Variants in ROBO2 observed in about 807,000 individuals in gnomAD.
The protein encoded by ROBO2 is roundabout guidance receptor 2.
A neutral mutation model predicts 160.8 loss-of-function variants in ROBO2; 53 were observed. The observed-to-expected ratio is 0.33, with a 90% CI of 0.26 to 0.41. The LOEUF is 0.41. ROBO2 is among the 10% of genes least tolerant of loss of function. The probability of loss-of-function intolerance (pLI) is 1.00; values close to 1 mark genes in which losing one functional copy is unlikely to be tolerated. For missense variants in ROBO2, 1,577 were observed against 1,722.4 expected (o/e 0.92, Z 1.49); for synonymous variants, 664 against 611.7 (o/e 1.09, Z -1.26).
chr3:76,383,821 A>G (rs770607758), intron 2 of ROBO2, among the ~76,000 whole-genome samples: 12 of 152,228 alleles, frequency 7.9e-5, no homozygotes, highest in Non-Finnish European at 1.5e-4. Flanking sequence ...GTGACCTGAA[A>G]AGCAGGATAC....
chr3:77,585,336 C>G (rs2094018773), intron 16 of ROBO2, among the ~76,000 whole-genome samples: 1 of 151,128 alleles, frequency 6.6e-6, no homozygotes, highest in Admixed American at 6.6e-5. Context: ...CAGTTATGCA[C>G]TGAACAATTG....
At chr3:76,799,146 G>A (rs976666445) in intron 2 of ROBO2, among the ~76,000 whole-genome samples, 8 of 151,574 alleles carry the variant, frequency 5.3e-5, no homozygotes, top group Admixed American at 1.3e-4. Flanking sequence ...CCCAGGAGAC[G>A]GAGGCTGCGG....
rs2094937778 is a variant in ROBO2, at chr3:77,623,284, T to C, written c.3760+852T>C. Among the ~76,000 whole-genome samples the C allele has an allele frequency of 2.6e-5, 4 of 152,214 alleles. No individual in the cohort carries two copies. The South Asian group carries it at 6.2e-4, about 24-fold the overall frequency. ...CTACTACAAACTGAAGTCTGGTCTC[T>C]GCATTTCACTGGGTCTTCTCAGAAG... On this transcript the variant is annotated intron_variant, in intron 23 of 25. Transcript: ENST00000461745.
intron 2 of ROBO2, among the ~76,000 whole-genome samples, chr3:75,983,985 T>A (rs2065346068): frequency 1.3e-5 from 2 of 151,526 alleles, no homozygotes; most frequent in South Asian, 4.1e-4. Context: ...ATGTGCTCTT[T>A]TAGAAATAAT....
chr3:77,488,566 A>G (rs1410278393), intron 4 of ROBO2, among the ~76,000 whole-genome samples: 1 of 152,144 alleles, frequency 6.6e-6, no homozygotes, highest in African/African-American at 2.4e-5. Context: ...AATTGTCCAA[A>G]CTCTATGGAG....
intron 2 of ROBO2, among the ~76,000 whole-genome samples, chr3:77,414,634 C>G (rs1478383550): frequency 6.6e-6 from 1 of 152,028 alleles, no homozygotes; most frequent in Non-Finnish European, 1.5e-5. Flanking sequence ...AATGTAGGCA[C>G]ATAGACAGAT....
Position 76,512,110 on chromosome 3 carries a change from A to G in ROBO2, c.109+574508A>G, listed in dbSNP as rs906856821. Among the ~76,000 whole-genome samples, 11 of 152,114 alleles carry G rather than the reference A, an allele frequency of 7.2e-5. No homozygotes were observed. The South Asian group carries it at 2.1e-3, about 29-fold the overall frequency. The stretch of plus-strand genomic sequence containing the variant: ...AATCAAAGAGAGACTTCTAAAACAA[A>G]CAAAAAAACATTGTTAATGAGGCAG... On this transcript the variant is annotated intron_variant, in intron 2 of 26. Transcript: ENST00000487694.
At chr3:76,502,696 C>G (rs1249995681) in intron 2 of ROBO2, among the ~76,000 whole-genome samples, 1 of 151,944 alleles carries the variant, frequency 6.6e-6, no homozygotes, top group Non-Finnish European at 1.5e-5. Flanking sequence ...ATATCCATCC[C>G]CTTAAGTATT....
intron 2 of ROBO2, among the ~76,000 whole-genome samples, chr3:76,589,673 A>T (rs930745005): frequency 1.6e-4 from 25 of 152,186 alleles, no homozygotes; most frequent in African/African-American, 6.0e-4. Flanking sequence ...AATGTTACCT[A>T]ATTTTTGAGC....
intron 2 of ROBO2, among the ~76,000 whole-genome samples, chr3:76,440,384 A>C (rs561487355): frequency 3.5e-4 from 53 of 152,054 alleles, no homozygotes; most frequent in Admixed American, 1.2e-3. Flanking sequence ...ATATCTCCTA[A>C]TGCTATCCCT....
In ROBO2 at chr3:77,296,622, T is replaced by A. The variant is rs546740864; in HGVS notation, c.389-180792T>A. Among the ~76,000 whole-genome samples, 13 of 152,242 alleles carry A rather than the reference T, an allele frequency of 8.5e-5. No individual in the cohort carries two copies. In the South Asian group the frequency reaches 2.7e-3, roughly 32 times the overall value. On this transcript the variant is annotated intron_variant, in intron 2 of 25. Transcript: ENST00000461745. ...TCCCTGGACATTGAGACCTTTAGAG[T>A]ATCCCCAGGTGATTGTGATGCATAG...
intron 13 of ROBO2, among the ~76,000 whole-genome samples, chr3:77,570,403 C>T (rs1314800056): frequency 6.6e-6 from 1 of 151,946 alleles, no homozygotes; most frequent in Non-Finnish European, 1.5e-5. Flanking sequence ...CTATCCCCGT[C>T]ATGGGCTGTA....
chr3:76,137,439 A>G (rs940773135), intron 2 of ROBO2, among the ~76,000 whole-genome samples: 2 of 152,014 alleles, frequency 1.3e-5, no homozygotes, highest in African/African-American at 4.8e-5. Flanking sequence ...GATGAATCCA[A>G]TTTTTCCGAA....
intron 2 of ROBO2, among the ~76,000 whole-genome samples, chr3:76,179,259 G>A (rs912069849): frequency 9.2e-5 from 14 of 152,026 alleles, no homozygotes; most frequent in Non-Finnish European, 7.4e-5. Flanking sequence ...GCTTCATGGG[G>A]CCTCCAGTCT....
At chr3:76,557,886 T>TA (rs3067742) in intron 2 of ROBO2, among the ~76,000 whole-genome samples, 130 of 147,584 alleles carry the variant, frequency 8.8e-4, no homozygotes, top group East Asian at 1.0e-3. Context: ...TGGAATTACT[T>TA]AAAAAAAAAA....
chr3:76,273,462 A>G (rs910375517), intron 2 of ROBO2, among the ~76,000 whole-genome samples: 1 of 152,004 alleles, frequency 6.6e-6, no homozygotes, highest in African/African-American at 2.4e-5. Flanking sequence ...AGACTGGGTA[A>G]TTTATAAAGA....
chr3:77,291,437 AC>A (rs1488363885), intron 2 of ROBO2, among the ~76,000 whole-genome samples: 1 of 151,642 alleles, frequency 6.6e-6, no homozygotes, highest in African/African-American at 2.4e-5. Flanking sequence ...AGGCTAGATC[AC>A]CCCAGACATG....
At chr3:76,911,377 A>G (rs2075983321) in intron 2 of ROBO2, among the ~76,000 whole-genome samples, 1 of 152,208 alleles carries the variant, frequency 6.6e-6, no homozygotes, top group Non-Finnish European at 1.5e-5. Context: ...AAATCAGGGG[A>G]AAAACATGGC....
chr3:76,942,226 C>T (rs558965899), intron 2 of ROBO2, among the ~76,000 whole-genome samples: 5 of 152,252 alleles, frequency 3.3e-5, no homozygotes, highest in Non-Finnish European at 5.9e-5. Flanking sequence ...GATTTGTTTT[C>T]CTTTTCATCT....
Sources: gnomAD v4.1 joint callset for allele counts (sites outside exome capture counted in the v4.1 genomes callset) on GRCh38, gnomAD v4.1.1 for gene constraint, MANE v1.5 for transcripts, NCBI Gene and HGNC (gene_info 2026-07-23, HGNC 2026-07-21) for gene names.